Variants in CEP135 observed in about 807,000 individuals in gnomAD.
CEP135 encodes centrosomal protein 135.
A neutral mutation model predicts 157.3 loss-of-function variants in CEP135; 142 were observed. The observed-to-expected ratio is 0.90, with a 90% CI of 0.79 to 1.04. The LOEUF (loss-of-function observed/expected upper bound fraction) is 1.04. CEP135 is among the 50% of genes least tolerant of loss of function. The probability of loss-of-function intolerance (pLI) is 0.00; values close to 1 mark genes in which losing one functional copy is unlikely to be tolerated. For missense variants in CEP135, 1,317 were observed against 1,309.2 expected, an observed-to-expected ratio of 1.01 and a Z score of -0.09; for synonymous variants, 396 against 439.8, an observed-to-expected ratio of 0.90 and a Z score of 1.25.
intron 15 of CEP135, among the ~76,000 whole-genome samples, chr4:55,996,068 A>G (rs918139066): frequency 6.6e-6 from 1 of 152,214 alleles, no homozygotes; most frequent in Non-Finnish European, 1.5e-5. Context: ...AGAAAACCAA[A>G]TGTAACTAGT....
chr4:55,992,392 G>A (rs995207722), intron 15 of CEP135, among the ~76,000 whole-genome samples: 2 of 152,116 alleles, frequency 1.3e-5, no homozygotes, highest in African/African-American at 4.8e-5. Flanking sequence ...AAATACTTCA[G>A]ATCATTTGTA....
intron 18 of CEP135, among the ~76,000 whole-genome samples, chr4:56,008,698 G>A (rs946539228): frequency 6.6e-6 from 1 of 151,970 alleles, no homozygotes; most frequent in Non-Finnish European, 1.5e-5. Context: ...AGCCAATCTC[G>A]AATTTATTCT....
chr4:55,952,141 C>A lies in CEP135; in HGVS notation c.11C>A (p.Ala4Asp). The A allele has an allele frequency of 6.3e-7, 1 of 1,598,620 alleles. No individual in the cohort carries two copies. The highest frequency in any genetic ancestry group is 8.6e-7 in the Non-Finnish European group (1 of 1,166,456). Residue 4 changes from alanine (A) to aspartate (D), a missense_variant, in exon 2 of 26, where the codon GCT becomes GAT. By Grantham distance (126) the Ala-to-Asp change is moderately radical (BLOSUM62 -2). Transcript: ENST00000257287. ...GTTTTAGAAGACGAGATGACTACAG[C>A]TGTAGAGAGAAAGTATATTAATATT... MTT[A>D]VERKYINIRK... is the part of the protein sequence containing the mutation.
At chr4:55,959,031 G>A (rs1728594669) in intron 5 of CEP135, among the ~76,000 whole-genome samples, 1 of 152,174 alleles carries the variant, frequency 6.6e-6, no homozygotes, top group African/African-American at 2.4e-5. Context: ...GCAGCAGTGA[G>A]CTGTGATCGG....
intron 11 of CEP135, among the ~76,000 whole-genome samples, chr4:55,975,458 G>A (rs1420005228): frequency 1.3e-5 from 2 of 152,118 alleles, no homozygotes; most frequent in Non-Finnish European, 2.9e-5. Flanking sequence ...AGTGAGTGCT[G>A]GGGAGATTGT....
At chr4:55,965,881 T>C in intron 8 of CEP135, 22 bp downstream of exon 8, 1 of 1,568,666 alleles carries the variant, frequency 6.4e-7, no homozygotes, top group South Asian at 1.1e-5. Context: ...TATGTGTAGA[T>C]TGTGAGAGTG....
At chr4:55,967,133 C>G (rs1728869400) in intron 8 of CEP135, among the ~76,000 whole-genome samples, 1 of 151,332 alleles carries the variant, frequency 6.6e-6, no homozygotes, top group African/African-American at 2.4e-5. Flanking sequence ...TTCTGACAGC[C>G]TGATGGGAAA....
intron 17 of CEP135, among the ~76,000 whole-genome samples, chr4:56,006,308 A>G (rs1432099783): frequency 6.6e-6 from 1 of 152,090 alleles, no homozygotes; most frequent in Non-Finnish European, 1.5e-5. Context: ...CGTAATTTCA[A>G]ATAGCTTGTC....
intron 14 of CEP135, among the ~76,000 whole-genome samples, chr4:55,989,474 C>G (rs1279197064): frequency 6.6e-6 from 1 of 152,034 alleles, no homozygotes; most frequent in Non-Finnish European, 1.5e-5. Context: ...GAATGTGTGC[C>G]CCTAAACAAG....
chr4:55,992,177 T>TGTGCAGTA (rs1451680453), intron 15 of CEP135, 92 bp downstream of exon 15: 2 of 1,245,460 alleles, frequency 1.6e-6, no homozygotes, highest in African/African-American at 3.1e-5. Flanking sequence ...ACTGGGCCTT[T>TGTGCAGTA]GTGCAGTAGT....
At chr4:55,955,959 T>C (rs1380997836) in intron 4 of CEP135, among the ~76,000 whole-genome samples, 1 of 152,138 alleles carries the variant, frequency 6.6e-6, no homozygotes, top group Non-Finnish European at 1.5e-5. Flanking sequence ...TAGTAAGAAT[T>C]ATCTAGTGAG....
Position 56,019,430 on chromosome 4 carries a change from T to A in CEP135, c.3090T>A (p.Val1030=). The A allele has an allele frequency of 6.2e-7, 1 of 1,613,962 alleles. No homozygotes were observed. The highest frequency in any genetic ancestry group is 1.1e-5 in the South Asian group (1 of 91,068). The change falls in exon 23 of 26, where the codon GTT becomes GTA. Residue 1030 remains valine, a synonymous_variant. Transcript: ENST00000257287. ...AACTTTCAAATGAGAGACATACAGT[T>A]AAAAACCTCGAATCATTGTTGGCTA... ...KKQLSNERHT[V]KNLESLLATN... is the part of the protein sequence containing the mutation.
chr4:56,015,636 T>C (rs1237124165), intron 21 of CEP135, among the ~76,000 whole-genome samples: 1 of 152,236 alleles, frequency 6.6e-6, no homozygotes, highest in East Asian at 1.9e-4. Flanking sequence ...CTTTATTCCT[T>C]TTATTTTCTC....
Position 56,020,631 on chromosome 4 carries a change from A to T in CEP135, c.3216-45A>T, listed in dbSNP as rs765207209. ...TAAAAAACCCACAGCACCTGACTCT[A>T]CAAAACGGAACGTTTATTTCTTGAT... On this transcript the variant is annotated intron_variant, in intron 23 of 25. Coordinates refer to ENST00000257287, the MANE Select transcript of CEP135 (RefSeq NM_025009.5). 8 of 1,546,924 alleles carry T rather than the reference A, an allele frequency of 5.2e-6. No individual in the cohort carries two copies. In the South Asian group the frequency reaches 9.1e-5, roughly 18 times the overall value.
chr4:56,020,566 G>T, intron 23 of CEP135, 110 bp from the exon 24 acceptor site: 1 of 788,760 alleles, frequency 1.3e-6, no homozygotes, highest in Non-Finnish European at 2.1e-6. Context: ...GAAGTTTAGA[G>T]AATTCTTGTT....
In CEP135 at chr4:56,024,598, G is replaced by T; in HGVS notation, c.3418G>T (p.Val1140Leu). Residue 1140 changes from valine (V) to leucine (L), a missense_variant, in exon 25 of 26, where the codon GTG (valine) becomes TTG (leucine). Coordinates refer to ENST00000257287, the MANE Select transcript of CEP135 (RefSeq NM_025009.5). ...TTCACATTCTCCTGAACATAGAAATGTGTAATTATCAGAAAGGTATGTATG... is the reference window on the plus strand; with the variant it reads ...TTCACATTCTCCTGAACATAGAAATTTGTAATTATCAGAAAGGTATGTATG... Reference protein sequence around the residue: ...SPSHSPEHRNV With the variant: ...SPSHSPEHRNL 1 of 1,608,680 alleles carries T rather than the reference G, an allele frequency of 6.2e-7. No individual in the cohort carries two copies. The highest frequency in any genetic ancestry group is 8.5e-7 in the Non-Finnish European group (1 of 1,175,216).
rs1238175976 is a variant in CEP135 at position 55,952,203 on chromosome 4, C to CT, written c.74dup (p.Thr26AspfsTer20). The stretch of plus-strand genomic sequence containing the variant: ...GGATCAGCTGGGATACCGCCAGACT[C>CT]TGACAGTGGAGTGTTTACCTTTGGT... On this transcript the variant is annotated frameshift_variant, in exon 2 of 26. Coordinates refer to ENST00000257287, the MANE Select transcript of CEP135 (RefSeq NM_025009.5). LOFTEE classifies it high-confidence loss of function. The CT allele has an allele frequency of 6.2e-7, 1 of 1,613,122 alleles. No homozygotes were observed. The highest frequency in any genetic ancestry group is 8.5e-7 in the Non-Finnish European group (1 of 1,179,230).
chr4:55,959,968 A>C (rs896749236), intron 6 of CEP135: 8 of 607,112 alleles, frequency 1.3e-5, no homozygotes, highest in Non-Finnish European at 2.3e-5. Context: ...AAATTTAAAA[A>C]TTAGCCAAGT....
chr4:55,958,117 T>G (rs1324849936), intron 5 of CEP135, among the ~76,000 whole-genome samples: 1 of 152,296 alleles, frequency 6.6e-6, no homozygotes, highest in South Asian at 2.1e-4. Flanking sequence ...GGGGTTTTAT[T>G]AATCTCAATA....
Sources: gnomAD v4.1 joint callset for allele counts (sites outside exome capture counted in the v4.1 genomes callset) on GRCh38, gnomAD v4.1.1 for gene constraint, MANE v1.5 for transcripts, NCBI Gene and HGNC (gene_info 2026-07-23, HGNC 2026-07-21) for gene names.